ZMYND8: variants seen among roughly 807,000 people sequenced by gnomAD.
ZMYND8 encodes the protein zinc finger MYND-type containing 8.
ZMYND8 carries 37 observed loss-of-function variants against 140.8 expected under a neutral mutation model. The ratio of observed to expected loss-of-function variants is 0.26; its 90% CI spans 0.20 to 0.35. The LOEUF (loss-of-function observed/expected upper bound fraction) is 0.35, where lower values mean the gene tolerates loss of function less well. ZMYND8 is among the 10% of genes least tolerant of loss of function. The pLI, the probability that ZMYND8 is intolerant of heterozygous loss-of-function variation, is 1.00. For missense variants in ZMYND8, 1,068 were observed against 1,570.0 expected, an observed-to-expected ratio of 0.68 and a Z score of 5.40; for synonymous variants, 592 against 597.1, an observed-to-expected ratio of 0.99 and a Z score of 0.12.
chr20:47,270,107 C>T (rs1172158752), intron 11 of ZMYND8, among the ~76,000 whole-genome samples: 1 of 151,820 alleles, frequency 6.6e-6, no homozygotes, highest in Admixed American at 6.6e-5. Flanking sequence ...TGTGGTGGCG[C>T]ACACTTGTAC....
At chr20:47,232,411 A>T (rs1024334542) in intron 16 of ZMYND8, among the ~76,000 whole-genome samples, 1 of 151,028 alleles carries the variant, frequency 6.6e-6, no homozygotes, top group Non-Finnish European at 1.5e-5. Context: ...TTTTGCCAAA[A>T]GTGTCAAGGG....
At chr20:47,229,233 T>C (rs1009469436) in intron 17 of ZMYND8, among the ~76,000 whole-genome samples, 1 of 151,768 alleles carries the variant, frequency 6.6e-6, no homozygotes, top group East Asian at 1.9e-4. Flanking sequence ...ATCCTCAGGA[T>C]TCCCAAAGCG....
intron 2 of ZMYND8, among the ~76,000 whole-genome samples, chr20:47,344,198 G>C (rs185853087): frequency 2.0e-5 from 3 of 151,918 alleles, no homozygotes; most frequent in African/African-American, 7.2e-5. Flanking sequence ...GGATGGTCTC[G>C]AACTCTTGAC....
At chr20:47,241,655 T>C (rs919718030) in intron 14 of ZMYND8, among the ~76,000 whole-genome samples, 7 of 152,046 alleles carry the variant, frequency 4.6e-5, no homozygotes, top group Non-Finnish European at 5.9e-5. Context: ...GGCTCAGTTA[T>C]GGATGCACAG....
chr20:47,340,694 G>A (rs532489793), intron 2 of ZMYND8, among the ~76,000 whole-genome samples: 3 of 152,132 alleles, frequency 2.0e-5, no homozygotes, highest in East Asian at 3.9e-4. Flanking sequence ...GGCTGAGGCA[G>A]GAGAATCACT....
At chr20:47,350,473 T>G (rs866051986) in intron 1 of ZMYND8, among the ~76,000 whole-genome samples, 36 of 152,018 alleles carry the variant, frequency 2.4e-4, no homozygotes, top group African/African-American at 8.2e-4. Context: ...GTGTGTGTTT[T>G]TTTTTGATTT....
chr20:47,356,279 AG>A (rs1410526998), intron 1 of ZMYND8: 15 of 987,432 alleles, frequency 1.5e-5, no homozygotes, highest in East Asian at 1.2e-4. Flanking sequence ...CAGGGGTGGG[AG>A]GGGGGGAACT....
Position 47,276,674 on chromosome 20 carries a change from G to A in ZMYND8, c.1120C>T (p.Arg374Cys), listed in dbSNP as rs746337186. 9 of 1,613,884 alleles carry A rather than the reference G, an allele frequency of 5.6e-6. No homozygotes were observed. Among genetic ancestry groups the A allele is most frequent in the Admixed American group, 3.3e-5 (2 of 59,992 alleles). The change falls in exon 11 of 23, where the codon CGC becomes TGC. Residue 374 changes from arginine to cysteine, a missense_variant. By Grantham distance (180) the Arg-to-Cys change is radical. This residue lies in a region of ZMYND8 where 49 missense variants were observed against 94.1 expected (regional missense o/e 0.52). Transcript: ENST00000471951. ...QEMEVYVENI[R>C]RKFGVFNYSP... ...TAATTAAAAACCCCAAACTTCCTGC[G>A]GATGTTCTCCACGTAAACCTCCATC... is the stretch of plus-strand genomic sequence containing the variant.
chr20:47,318,060 C>T (rs1431376270), intron 2 of ZMYND8, among the ~76,000 whole-genome samples: 3 of 152,094 alleles, frequency 2.0e-5, no homozygotes, highest in East Asian at 1.9e-4. Flanking sequence ...TCCTCCCCGA[C>T]TACCGCCCCC....
At chr20:47,292,872 C>T (rs1330957796) in intron 5 of ZMYND8, among the ~76,000 whole-genome samples, 1 of 151,640 alleles carries the variant, frequency 6.6e-6, no homozygotes, top group Admixed American at 6.6e-5. Flanking sequence ...GGCAACATAG[C>T]GAGACCCTGT....
At chr20:47,224,838 T>C (rs2037459940) in intron 18 of ZMYND8, among the ~76,000 whole-genome samples, 1 of 152,198 alleles carries the variant, frequency 6.6e-6, no homozygotes, top group African/African-American at 2.4e-5. Flanking sequence ...ATTCTGGGAA[T>C]TCCTCAAAGT....
chr20:47,283,139 G>A (rs557150097), intron 9 of ZMYND8, among the ~76,000 whole-genome samples: 1 of 152,138 alleles, frequency 6.6e-6, no homozygotes, highest in Non-Finnish European at 1.5e-5. Flanking sequence ...GGGAAACTAG[G>A]GTGACTTTAT....
chr20:47,326,606 A>AC (rs1167530317), intron 2 of ZMYND8, among the ~76,000 whole-genome samples: 1 of 151,626 alleles, frequency 6.6e-6, no homozygotes, highest in Non-Finnish European at 1.5e-5. Flanking sequence ...TTTTTCCAAA[A>AC]CCTCCGTAGA....
At chr20:47,313,189 C>T (rs1171541967) in intron 2 of ZMYND8, among the ~76,000 whole-genome samples, 3 of 146,220 alleles carry the variant, frequency 2.1e-5, no homozygotes, top group Non-Finnish European at 4.5e-5. Flanking sequence ...ATGATCACGT[C>T]GGAGCCTGGG....
At chr20:47,280,404 A>G (rs2076533813) in intron 10 of ZMYND8, among the ~76,000 whole-genome samples, 1 of 152,190 alleles carries the variant, frequency 6.6e-6, no homozygotes, top group South Asian at 2.1e-4. Context: ...TCCAGAACCA[A>G]GACCTAAACA....
intron 6 of ZMYND8, 99 bp from the exon 7 acceptor site, chr20:47,290,373 CA>C (rs1217194780): frequency 1.2e-5 from 12 of 989,402 alleles, no homozygotes; most frequent in Admixed American, 2.4e-5. Context: ...AGTCATTTGC[CA>C]AATCAATTAG....
chr20:47,255,061 G>A (rs916624652), intron 12 of ZMYND8, among the ~76,000 whole-genome samples: 4 of 152,110 alleles, frequency 2.6e-5, no homozygotes, highest in African/African-American at 9.7e-5. Context: ...GGCAAAGGTT[G>A]CGGAGAGCCA....
At chr20:47,267,041 C>T (rs2075578097) in intron 11 of ZMYND8, among the ~76,000 whole-genome samples, 1 of 152,154 alleles carries the variant, frequency 6.6e-6, no homozygotes, top group African/African-American at 2.4e-5. Context: ...AGTATCCCCA[C>T]AATAGAACGT....
At chr20:47,231,564 T>C (rs2038488082) in intron 16 of ZMYND8, among the ~76,000 whole-genome samples, 1 of 152,248 alleles carries the variant, frequency 6.6e-6, no homozygotes, top group African/African-American at 2.4e-5. Flanking sequence ...CATGTAAGTA[T>C]GCAATTGCGT....
Sources: gnomAD v4.1 joint callset for allele counts (sites outside exome capture counted in the v4.1 genomes callset) on GRCh38, gnomAD v4.1.1 for gene constraint, gnomAD v4.1.1 regional missense constraint, MANE v1.5 for transcripts, NCBI Gene and HGNC (gene_info 2026-07-23, HGNC 2026-07-21) for gene names.